ATM: variants seen among roughly 807,000 people sequenced by gnomAD.
The protein encoded by ATM is serine-protein kinase ATM.
Under a neutral mutation model 387.0 loss-of-function variants are expected in ATM, and 308 were observed. That is an observed-to-expected ratio of 0.80 (90% CI 0.73 to 0.87). The LOEUF (loss-of-function observed/expected upper bound fraction) is 0.87, where lower values mean the gene tolerates loss of function less well. Ranked by LOEUF, ATM falls within the 40% of genes least tolerant of loss-of-function variation. ATM has a pLI of 0.00. For synonymous variants in ATM, 1,156 were observed against 1,187.3 expected, an observed-to-expected ratio of 0.97 and a Z score of 0.54; for missense variants, 3,312 against 3,560.9, an observed-to-expected ratio of 0.93 and a Z score of 1.78.
chr11:108,349,307 G>C (rs1414974822), intron 59 of ATM, among the ~76,000 whole-genome samples: 1 of 152,176 alleles, frequency 6.6e-6, no homozygotes, highest in African/African-American at 2.4e-5. Flanking sequence ...CCTTTGGATA[G>C]AATGGAGGAA....
chr11:108,233,202 A>G (rs2079106190), intron 4 of ATM, among the ~76,000 whole-genome samples: 1 of 152,130 alleles, frequency 6.6e-6, no homozygotes, highest in Non-Finnish European at 1.5e-5. Context: ...CTTTTGTACA[A>G]AGCTTAAATA....
At chr11:108,263,236 T>G (rs1412809295) in intron 16 of ATM, among the ~76,000 whole-genome samples, 1 of 139,740 alleles carries the variant, frequency 7.2e-6, no homozygotes, top group East Asian at 2.1e-4. Flanking sequence ...TACTGGGAAG[T>G]AAAGCTCTCC....
At chr11:108,294,904 G>T (rs751327814) in intron 31 of ATM, 23 bp from the exon 32 acceptor site, 1 of 1,612,862 alleles carries the variant, frequency 6.2e-7, no homozygotes, top group South Asian at 1.1e-5. Flanking sequence ...CGTGTTAAAA[G>T]CAAGTTACAT....
At chr11:108,343,715 G>A (rs1196749617) in intron 57 of ATM, among the ~76,000 whole-genome samples, 1 of 152,178 alleles carries the variant, frequency 6.6e-6, no homozygotes, top group Non-Finnish European at 1.5e-5. Context: ...GAGAGGCTGA[G>A]TCTGGGGGAT....
At chr11:108,259,796 A>G (rs1346453719) in intron 16 of ATM, among the ~76,000 whole-genome samples, 1 of 152,196 alleles carries the variant, frequency 6.6e-6, no homozygotes, top group Non-Finnish European at 1.5e-5. Context: ...TATGCCACAT[A>G]CATTCTTTTT....
In ATM at chr11:108,321,216, G is replaced by T. The variant is rs538331546; in HGVS notation, c.6453-85G>T. 1.9e-5 allele frequency: 29 copies of T among 1,560,078 alleles called. No homozygotes were observed. In the African/African-American group the frequency reaches 3.0e-4, roughly 16 times the overall value. The stretch of plus-strand genomic sequence containing the variant: ...AGATCAGTAGCAAAGCCTATGATGA[G>T]AACTCTTTAACAACAAATTTAAACA... On this transcript the variant is annotated intron_variant, in intron 44 of 62. Coordinates refer to ENST00000675843, the MANE Select transcript of ATM (RefSeq NM_000051.4).
chr11:108,250,424 A>G lies in ATM; in HGVS notation c.1236-277A>G, dbSNP rs530452369. 1.2e-4 allele frequency among the ~76,000 whole-genome samples: 18 copies of G among 151,982 alleles called. No homozygotes were observed. The East Asian group carries it at 3.3e-3, about 28-fold the overall frequency. On this transcript the variant is annotated intron_variant, in intron 9 of 62. Coordinates refer to ENST00000675843, the MANE Select transcript of ATM (RefSeq NM_000051.4). ...CCTTGGCCTCCCAAAGTGCTGGGAA[A>G]CCACCTGGCCCAAATATTGCTAATT...
chr11:108,347,342 C>T lies in ATM; in HGVS notation c.8648C>T (p.Ala2883Val), dbSNP rs2137083835. The change falls in exon 59 of 63, where the codon GCA (alanine) becomes GTA (valine). Residue 2883 changes from alanine to valine, a missense_variant. Ala to Val is a moderately conservative substitution (Grantham distance 64). This residue lies in a region of ATM where 1,405 missense variants were observed against 1,604.4 expected (regional missense o/e 0.88). Coordinates refer to ENST00000675843, the MANE Select transcript of ATM (RefSeq NM_000051.4). ...AATATCTTGATAAATGAGCAGTCAGCAGAACTTGTACATATAGATCTAGGT... is the reference window on the plus strand; with the variant it reads ...AATATCTTGATAAATGAGCAGTCAGTAGAACTTGTACATATAGATCTAGGT... ...VQNILINEQS[A>V]ELVHIDLGVA... 2 of 1,608,432 alleles carry T rather than the reference C, an allele frequency of 1.2e-6. No homozygotes were observed. Among genetic ancestry groups the T allele is most frequent in the Middle Eastern group, 1.7e-4 (1 of 6,010 alleles).
intron 1 of ATM, chr11:108,225,852 A>G (rs2078711686): frequency 1.3e-5 from 2 of 152,166 alleles, no homozygotes; most frequent in Admixed American, 6.5e-5. Context: ...CTTCATAGGA[A>G]GATTGGACCT....
In ATM at chr11:108,243,988, C is replaced by G. The variant is rs786201807; in HGVS notation, c.532C>G (p.Pro178Ala). The change falls in exon 6 of 63, where the codon CCT becomes GCT. Residue 178 changes from proline to alanine, a missense_variant. Pro to Ala is a conservative substitution (Grantham distance 27, BLOSUM62 -1). Transcript: ENST00000675843. Reference protein sequence around the residue: ...FSVYFRLYLKPSQDVHRVLVA... With the variant: ...FSVYFRLYLKASQDVHRVLVA... ...TGTGTACTTCAGGCTCTATCTGAAA[C>G]CTTCACAAGATGTTCATAGAGTTTT... 6.2e-7 allele frequency: 1 copy of G among 1,607,548 alleles called. No homozygotes were observed. The highest frequency in any genetic ancestry group is 1.1e-5 in the South Asian group (1 of 90,636).
chr11:108,329,818 T>A (rs2086067195), intron 49 of ATM, among the ~76,000 whole-genome samples: 1 of 152,232 alleles, frequency 6.6e-6, no homozygotes, highest in African/African-American at 2.4e-5. Flanking sequence ...AGAATATAGA[T>A]ATTAGCTTTC....
intron 10 of ATM, 140 bp downstream of exon 10, chr11:108,251,212 G>T: frequency 1.5e-6 from 2 of 1,307,430 alleles, no homozygotes; most frequent in East Asian, 2.4e-5. Context: ...TTCTTGTTTG[G>T]CCGAGAAGAC....
Position 108,366,881 on chromosome 11 carries a change from G to A in ATM, c.*1373G>A. 4.4e-6 allele frequency: 1 copy of A among 228,838 alleles called. No homozygotes were observed. The highest frequency in any genetic ancestry group is 6.2e-5 in the East Asian group (1 of 16,052). The allele number at this position is 228,838 out of a possible 1,614,324, so 14.2% of individuals were successfully genotyped here. Reference sequence around the variant, plus strand: ...GCCTTTGGCAAGCCCTGGGTTCTTTGCTCCCCATATAGATGTCTAAGCTAA... The same window carrying A: ...GCCTTTGGCAAGCCCTGGGTTCTTTACTCCCCATATAGATGTCTAAGCTAA... On this transcript the variant is annotated 3_prime_UTR_variant, in exon 63 of 63. Coordinates refer to ENST00000675843, the MANE Select transcript of ATM (RefSeq NM_000051.4).
rs1060501680 is a variant in ATM, at chr11:108,335,042, G to T, written c.8084G>T (p.Gly2695Val). ...AAAGCAGAATTTCGCTTAGCAGGAG[G>T]TGTAAATTTACCAAAAATAATAGAT... is the stretch of plus-strand genomic sequence containing the variant. ...SFKAEFRLAGGVNLPKIIDCV... is the reference protein window; with the variant it reads ...SFKAEFRLAGVVNLPKIIDCV... Residue 2695 changes from glycine to valine, a missense_variant, in exon 55 of 63, where the codon GGT becomes GTT. Physicochemically the swap from Gly to Val is moderately radical, Grantham distance 109. This residue lies in a region of ATM where 1,405 missense variants were observed against 1,604.4 expected (regional missense o/e 0.88). Transcript: ENST00000675843. The T allele has an allele frequency of 6.2e-7, 1 of 1,614,090 alleles. No homozygotes were observed. The highest frequency in any genetic ancestry group is 1.1e-5 in the South Asian group (1 of 91,082).
At chr11:108,255,658 T>G (rs982913856) in intron 13 of ATM, among the ~76,000 whole-genome samples, 1 of 152,146 alleles carries the variant, frequency 6.6e-6, no homozygotes. Context: ...ACTCCTGACC[T>G]CAGGTGATCT....
At chr11:108,333,712 A>T (rs2086524251) in intron 53 of ATM, among the ~76,000 whole-genome samples, 174 bp from the exon 54 acceptor site, 1 of 152,172 alleles carries the variant, frequency 6.6e-6, no homozygotes, top group South Asian at 2.1e-4. Context: ...ACCACTGTTG[A>T]GCTTTGACTC....
chr11:108,357,700 G>A (rs11212594), intron 61 of ATM, among the ~76,000 whole-genome samples: 2,001 of 152,164 alleles, frequency 0.013, 26 homozygotes, highest in African/African-American at 0.031. Context: ...CACCTCACAC[G>A]GCAGGGTACT....
chr11:108,231,595 C>G (rs920723724), intron 4 of ATM: 5 of 148,600 alleles, frequency 3.4e-5, no homozygotes, highest in African/African-American at 9.9e-5. Context: ...TCTCGAGAAG[C>G]TGAGGCAGGA....
Position 108,331,532 on chromosome 11 carries a change from T to C in ATM, c.7604T>C (p.Leu2535Pro), listed in dbSNP as rs1416255638. 6.2e-7 allele frequency: 1 copy of C among 1,612,950 alleles called. No individual in the cohort carries two copies. Among genetic ancestry groups the C allele is most frequent in the Non-Finnish European group, 8.5e-7 (1 of 1,179,578 alleles). ...ARMGTKMMGG[L>P]GFHEVLNNLI... ...ATGGGGACCAAGATGATGGGAGGCC[T>C]AGGATTTCATGAAGTCCTCAATAAT... Residue 2535 changes from leucine (L) to proline (P), a missense_variant, in exon 51 of 63, where the codon CTA (leucine) becomes CCA (proline). Leu to Pro is a moderately conservative substitution (Grantham distance 98, BLOSUM62 -3). Around this residue, in one of 4 missense-constraint regions of ATM, gnomAD observed 1,405 missense variants for 1,604.4 expected, o/e 0.88. Coordinates refer to ENST00000675843, the MANE Select transcript of ATM (RefSeq NM_000051.4).
Sources: gnomAD v4.1 joint callset for allele counts (sites outside exome capture counted in the v4.1 genomes callset) on GRCh38, gnomAD v4.1.1 for gene constraint, gnomAD v4.1.1 regional missense constraint, MANE v1.5 for transcripts, NCBI Gene and HGNC (gene_info 2026-07-23, HGNC 2026-07-21) for gene names.